Variants in GABRA4 observed in about 807,000 individuals in gnomAD.
The protein encoded by GABRA4 is gamma-aminobutyric acid receptor subunit alpha-4.
Under a neutral mutation model 49.7 loss-of-function variants are expected in GABRA4, and 12 were observed. That is an observed-to-expected ratio of 0.24 (90% CI 0.15 to 0.39). GABRA4 has a LOEUF of 0.39. Ranked by LOEUF, GABRA4 falls within the 10% of genes least tolerant of loss-of-function variation. The pLI is 1.00. For missense variants in GABRA4, 506 were observed against 686.0 expected (o/e 0.74, Z 2.93); for synonymous variants, 288 against 240.2 (o/e 1.20, Z -1.84).
chr4:46,955,783 G>T (rs1356140087), intron 8 of GABRA4, among the ~76,000 whole-genome samples: 1 of 152,046 alleles, frequency 6.6e-6, no homozygotes, highest in East Asian at 1.9e-4. Flanking sequence ...AAGTATACTT[G>T]AATACTTGAA....
chr4:46,936,368 G>A (rs1256168840), intron 8 of GABRA4, among the ~76,000 whole-genome samples: 1 of 152,132 alleles, frequency 6.6e-6, no homozygotes, highest in Non-Finnish European at 1.5e-5. Flanking sequence ...TCCTGCCTCA[G>A]CCTGCTGAGT....
At chr4:46,957,631 T>G (rs1469179034) in intron 8 of GABRA4, among the ~76,000 whole-genome samples, 2 of 151,994 alleles carry the variant, frequency 1.3e-5, no homozygotes, top group Non-Finnish European at 2.9e-5. Flanking sequence ...CTTCATTAAA[T>G]GTGCTTCATC....
chr4:46,976,456 G>T (rs1331699873), intron 5 of GABRA4, among the ~76,000 whole-genome samples: 1 of 146,884 alleles, frequency 6.8e-6, no homozygotes, highest in African/African-American at 2.5e-5. Context: ...ATAGCTTTTA[G>T]ATAGAATCCA....
chr4:46,942,391 C>T (rs574322667), intron 8 of GABRA4, among the ~76,000 whole-genome samples: 53 of 152,062 alleles, frequency 3.5e-4, no homozygotes, highest in African/African-American at 1.2e-3. Context: ...TTGTGGATCA[C>T]TATAATTAGC....
At position 46,965,032 on chromosome 4, in the gene GABRA4, G is replaced by C; in HGVS notation, c.1072C>G (p.Pro358Ala). ...GGAGCAGCGGGAACTTCCTGAGGGG[G>C]CTTTGATGTCTTCCTTTTGGCTTTT... ...MEKAKRKTSK[P>A]PQEVPAAPVQ... is the part of the protein sequence containing the mutation. The change falls in exon 8 of 9, where the codon CCC becomes GCC. Residue 358 changes from proline (P) to alanine (A), a missense_variant. By Grantham distance (27) the Pro-to-Ala change is conservative (BLOSUM62 -1). This residue lies in a region of GABRA4 where 243 missense variants were observed against 210.8 expected (regional missense o/e 1.15). Coordinates refer to ENST00000264318, the MANE Select transcript of GABRA4 (RefSeq NM_000809.4). 6.2e-7 allele frequency: 1 copy of C among 1,611,918 alleles called. No homozygotes were observed. The highest frequency in any genetic ancestry group is 8.5e-7 in the Non-Finnish European group (1 of 1,178,750).
intron 3 of GABRA4, among the ~76,000 whole-genome samples, chr4:46,978,645 C>T (rs576035002): frequency 7.0e-5 from 9 of 129,068 alleles, no homozygotes; most frequent in African/African-American, 2.7e-4. Context: ...AAAGATCCCG[C>T]CATTGTACTC....
At chr4:46,931,857 T>G (rs1302611346) in intron 8 of GABRA4, among the ~76,000 whole-genome samples, 1 of 152,140 alleles carries the variant, frequency 6.6e-6, no homozygotes, top group African/African-American at 2.4e-5. Flanking sequence ...AACAACTAGC[T>G]GACACTAGAT....
chr4:46,920,983 T>C lies in GABRA4; in HGVS notation c.*7242A>G, dbSNP rs892961166. On this transcript the variant is annotated 3_prime_UTR_variant, in exon 9 of 9. Coordinates refer to ENST00000264318, the MANE Select transcript of GABRA4 (RefSeq NM_000809.4). ...AGGTTAGTATTTTCAATTAAATTAA[T>C]CGGTTCAGTGATAATATCATACTCT... The C allele has an allele frequency of 6.6e-6, 1 of 151,840 alleles. No individual in the cohort carries two copies. The highest frequency in any genetic ancestry group is 1.5e-5 in the Non-Finnish European group (1 of 67,768). The allele number at this position is 151,840 out of a possible 1,614,324, so 9.4% of individuals were successfully genotyped here.
At chr4:46,952,011 T>A (rs1158037926) in intron 8 of GABRA4, among the ~76,000 whole-genome samples, 1 of 152,028 alleles carries the variant, frequency 6.6e-6, no homozygotes, top group Admixed American at 6.6e-5. Context: ...TTAAAAGTAT[T>A]TATTTTTTAA....
chr4:46,962,130 C>T (rs1354811394), intron 8 of GABRA4, among the ~76,000 whole-genome samples: 1 of 151,686 alleles, frequency 6.6e-6, no homozygotes, highest in Non-Finnish European at 1.5e-5. Flanking sequence ...GTTTTGTTTT[C>T]TTCTTTAATA....
At position 46,928,245 on chromosome 4, in the gene GABRA4, T is replaced by C. The variant is rs1394489837; in HGVS notation, c.1645A>G (p.Lys549Glu). Reference sequence around the variant, plus strand: ...CGAAATTACATTAGACTTTCTGATTTCTCCATAGTGTCCTTAGATAAATAA... The same window carrying C: ...CGAAATTACATTAGACTTTCTGATTCCTCCATAGTGTCCTTAGATAAATAA... The part of the protein sequence containing the change: ...VVYLSKDTME[K>E]SESLM Residue 549 changes from lysine to glutamate, a missense_variant, in exon 9 of 9, where the codon AAA becomes GAA. Lys to Glu is a moderately conservative substitution (Grantham distance 56). This residue lies in a region of GABRA4 where 29 missense variants were observed against 25.1 expected (regional missense o/e 1.16). Coordinates refer to ENST00000264318, the MANE Select transcript of GABRA4 (RefSeq NM_000809.4). 5.6e-6 allele frequency: 9 copies of C among 1,608,776 alleles called. No individual in the cohort carries two copies. The highest frequency in any genetic ancestry group is 7.6e-6 in the Non-Finnish European group (9 of 1,177,226).
intron 8 of GABRA4, among the ~76,000 whole-genome samples, chr4:46,942,155 C>G (rs1412017206): frequency 6.6e-6 from 1 of 152,070 alleles, no homozygotes; most frequent in African/African-American, 2.4e-5. Flanking sequence ...AGGCATTCTT[C>G]TTGGTTCTGG....
chr4:46,946,010 T>C (rs1035986340), intron 8 of GABRA4, among the ~76,000 whole-genome samples: 1 of 152,092 alleles, frequency 6.6e-6, no homozygotes, highest in Non-Finnish European at 1.5e-5. Context: ...AGCTGACTGT[T>C]GAACCCAAAT....
intron 2 of GABRA4, 107 bp from the exon 3 acceptor site, chr4:46,979,205 A>G (rs764339029): frequency 1.9e-5 from 13 of 672,214 alleles, no homozygotes; most frequent in Non-Finnish European, 2.6e-6. Flanking sequence ...TCATGTTTTT[A>G]CAAGCATCTT....
intron 8 of GABRA4, among the ~76,000 whole-genome samples, chr4:46,947,092 T>C (rs1722008867): frequency 6.6e-6 from 1 of 151,882 alleles, no homozygotes; most frequent in Non-Finnish European, 1.5e-5. Context: ...GATTGCCAAA[T>C]TGCATGCCAC....
intron 8 of GABRA4, among the ~76,000 whole-genome samples, chr4:46,942,400 G>A (rs190638721): frequency 6.6e-6 from 1 of 151,830 alleles, no homozygotes; most frequent in Non-Finnish European, 1.5e-5. Context: ...ACTATAATTA[G>A]CACTTAAAAA....
chr4:46,993,323 A>T lies in GABRA4; in HGVS notation c.86+16T>A, dbSNP rs761818395. 6 of 1,611,808 alleles carry T rather than the reference A, an allele frequency of 3.7e-6. No homozygotes were observed. The highest frequency in any genetic ancestry group is 8.5e-7 in the Non-Finnish European group (1 of 1,178,048). On this transcript the variant is annotated intron_variant, in intron 1 of 8. Transcript: ENST00000264318. ...CACTTTCCGTTGCCCACCTCCTCGC[A>T]CCCCAGAGAACTCACCAAACCGCCA...
intron 2 of GABRA4, chr4:46,992,532 A>G (rs548089893): frequency 7.1e-6 from 3 of 420,590 alleles, no homozygotes; most frequent in African/African-American, 6.0e-5. Flanking sequence ...CAGGCAGCTG[A>G]GCCCAGAGTT....
chr4:46,976,000 G>A (rs559691089), intron 5 of GABRA4, among the ~76,000 whole-genome samples: 2 of 151,988 alleles, frequency 1.3e-5, no homozygotes, highest in African/African-American at 4.8e-5. Context: ...GATAACAGCA[G>A]GCAACAGTTT....
Sources: gnomAD v4.1 joint callset for allele counts (sites outside exome capture counted in the v4.1 genomes callset) on GRCh38, gnomAD v4.1.1 for gene constraint, gnomAD v4.1.1 regional missense constraint, MANE v1.5 for transcripts, NCBI Gene and HGNC (gene_info 2026-07-23, HGNC 2026-07-21) for gene names.